MARCHF10: variants seen among roughly 807,000 people sequenced by gnomAD.
MARCHF10 encodes the protein membrane associated ring-CH-type finger 10.
In MARCHF10, 64 loss-of-function variants were observed where a neutral mutation model predicts 76.2. The observed-to-expected ratio is 0.84, with a 90% CI of 0.69 to 1.03. MARCHF10 has a LOEUF of 1.03. Among genes scored for constraint, MARCHF10 ranks in the 50% least tolerant of loss-of-function variants. The probability of loss-of-function intolerance (pLI) is 0.00; values close to 1 mark genes in which losing one functional copy is unlikely to be tolerated. For synonymous variants in MARCHF10, 340 were observed against 357.5 expected (o/e 0.95, Z 0.55); for missense variants, 875 against 958.0 (o/e 0.91, Z 1.14).
At position 62,793,406 on chromosome 17, in the gene MARCHF10, C is replaced by A. The variant is rs1234668944; in HGVS notation, c.91-4807G>T. On this transcript the variant is annotated intron_variant, in intron 2 of 10. Coordinates refer to ENST00000311269, the MANE Select transcript of MARCHF10 (RefSeq NM_152598.4). ...TCCATTACCACCACGACCTCCATCA[C>A]CACCACCATCACCTCCATCACTACC... Among the ~76,000 whole-genome samples the A allele has an allele frequency of 4.1e-5, 6 of 147,804 alleles. No homozygotes were observed. In the East Asian group the frequency reaches 1.2e-3, roughly 30 times the overall value.
chr17:62,801,590 T>C (rs976400978), intron 2 of MARCHF10, 56 bp downstream of exon 2: 3 of 1,451,896 alleles, frequency 2.1e-6, no homozygotes, highest in Non-Finnish European at 2.9e-6. Context: ...GTATTCTGAA[T>C]TCTCTCTAAA....
intron 8 of MARCHF10, among the ~76,000 whole-genome samples, chr17:62,717,571 C>A (rs1403655962): frequency 6.6e-6 from 1 of 152,180 alleles, no homozygotes. Context: ...TGGGAGGCCC[C>A]GGCAGGAGAC....
intron 3 of MARCHF10, among the ~76,000 whole-genome samples, chr17:62,776,374 C>G (rs1369903788): frequency 6.6e-6 from 1 of 152,160 alleles, no homozygotes; most frequent in African/African-American, 2.4e-5. Context: ...GCAGGATCAC[C>G]CTCGTGCAAG....
Position 62,736,942 on chromosome 17 carries a change from C to T in MARCHF10, c.926G>A (p.Cys309Tyr), listed in dbSNP as rs200034579. 6.3e-4 allele frequency: 1,015 copies of T among 1,614,152 alleles called. No homozygotes were observed. The highest frequency in any genetic ancestry group is 7.9e-4 in the Non-Finnish European group (934 of 1,180,018). Residue 309 changes from cysteine to tyrosine, a missense_variant, in exon 6 of 11, where the codon TGT (cysteine) becomes TAT (tyrosine). Transcript: ENST00000311269. Reference protein sequence around the residue: ...ECLWVGVRSPCSPSHHKRSRF... With the variant: ...ECLWVGVRSPYSPSHHKRSRF... Reference sequence around the variant, plus strand: ...ACTTCTTTTGTGATGGGAAGGAGAACAGGGTGAGCGCACACCAACCCACAG... The same window carrying T: ...ACTTCTTTTGTGATGGGAAGGAGAATAGGGTGAGCGCACACCAACCCACAG...
At chr17:62,788,157 CTTAT>C (rs1161694411) in intron 3 of MARCHF10, among the ~76,000 whole-genome samples, 1 of 152,168 alleles carries the variant, frequency 6.6e-6, no homozygotes, top group African/African-American at 2.4e-5. Flanking sequence ...GCCTCCAACT[CTTAT>C]AGAGTTGCAG....
chr17:62,791,985 T>A (rs1443644509), intron 2 of MARCHF10, among the ~76,000 whole-genome samples: 1 of 152,118 alleles, frequency 6.6e-6, no homozygotes, highest in Non-Finnish European at 1.5e-5. Flanking sequence ...GTGTCAGGAT[T>A]CGGATGGCTA....
chr17:62,725,009 C>G lies in MARCHF10; in HGVS notation c.2033G>C (p.Gly678Ala), dbSNP rs866043045. Residue 678 changes from glycine (G) to alanine (A), a missense_variant, in exon 7 of 11, where the codon GGC becomes GCC. Gly to Ala is a moderately conservative substitution (Grantham distance 60). Coordinates refer to ENST00000311269, the MANE Select transcript of MARCHF10 (RefSeq NM_152598.4). Reference sequence around the variant, plus strand: ...AACAAACTGCAGGCTTCCCACACAGCCGCAAGGCTCCAGGAGGGGGTTGCT... The same window carrying G: ...AACAAACTGCAGGCTTCCCACACAGGCGCAAGGCTCCAGGAGGGGGTTGCT... ...SPSNPLLEPC[G>A]CVGSLQFVHQ... The G allele has an allele frequency of 6.2e-7, 1 of 1,611,124 alleles. No homozygotes were observed.
At chr17:62,795,382 A>AAAAAAAAG in intron 2 of MARCHF10, among the ~76,000 whole-genome samples, 1 of 111,990 alleles carries the variant, frequency 8.9e-6, no homozygotes. Context: ...AAAAAAAAAA[A>AAAAAAAAG]AAGAAGCTAG....
intron 3 of MARCHF10, among the ~76,000 whole-genome samples, chr17:62,773,711 G>A (rs2092490610): frequency 6.6e-6 from 1 of 152,144 alleles, no homozygotes; most frequent in African/African-American, 2.4e-5. Flanking sequence ...GTAAGCTCAG[G>A]AAATTTCTAG....
chr17:62,705,472 A>G, intron 10 of MARCHF10, 67 bp downstream of exon 10: 1 of 1,613,868 alleles, frequency 6.2e-7, no homozygotes, highest in Non-Finnish European at 8.5e-7. Context: ...TTGGTTCCAC[A>G]CAGTCACAGA....
Position 62,703,218 on chromosome 17 carries a change from C to T in MARCHF10, c.2372-1460G>A, listed in dbSNP as rs148950106. ...CACAGAGTCACAAAGAGGCTGGCAC[C>T]TCTCTGTGCTACCTGGTGTGCCCTG... On this transcript the variant is annotated intron_variant, in intron 10 of 10. Coordinates refer to ENST00000311269, the MANE Select transcript of MARCHF10 (RefSeq NM_152598.4). 1,393 of 152,470 alleles carry T rather than the reference C, an allele frequency of 9.1e-3. 10 individuals are homozygous for T. The highest frequency in any genetic ancestry group is 0.012 in the Non-Finnish European group (847 of 68,114). 9.4% of individuals were successfully genotyped at this position (152,470 alleles called of 1,614,324 possible).
intron 3 of MARCHF10, among the ~76,000 whole-genome samples, chr17:62,777,521 G>C (rs1184374065): frequency 2.0e-5 from 3 of 151,892 alleles, no homozygotes; most frequent in African/African-American, 7.3e-5. Flanking sequence ...TCAGGAGTTT[G>C]AGACCAGGCA....
intron 3 of MARCHF10, among the ~76,000 whole-genome samples, chr17:62,767,377 G>A (rs1465627105): frequency 1.3e-5 from 2 of 150,374 alleles, no homozygotes; most frequent in African/African-American, 4.9e-5. Context: ...ACAAAAACAA[G>A]CATAAAGATA....
chr17:62,783,194 GTTTTTTT>G (rs201262979), intron 3 of MARCHF10, among the ~76,000 whole-genome samples: 25 of 71,368 alleles, frequency 3.5e-4, no homozygotes, highest in African/African-American at 1.1e-3. Context: ...AAAATTGCCA[GTTTTTTT>G]TTTTTTTTTT....
chr17:62,777,997 T>C (rs942798972), intron 3 of MARCHF10, among the ~76,000 whole-genome samples: 1 of 152,204 alleles, frequency 6.6e-6, no homozygotes, highest in African/African-American at 2.4e-5. Context: ...CAAATATGCA[T>C]GGAGCTCCTA....
chr17:62,710,247 T>C (rs984647657), intron 9 of MARCHF10, among the ~76,000 whole-genome samples: 2 of 152,212 alleles, frequency 1.3e-5, no homozygotes, highest in African/African-American at 2.4e-5. Flanking sequence ...CAATAAAAAG[T>C]TCATTAAAAA....
In MARCHF10 at chr17:62,802,538, G is replaced by C. The variant is rs115957502; in HGVS notation, c.-17-786C>G. On this transcript the variant is annotated intron_variant, in intron 1 of 10. Transcript: ENST00000311269. ...CCTGGCCTGTGTTGCTTATAATCCA[G>C]GGTGCGAGACTGACTTTGAGCAAGT... 9.1e-3 allele frequency among the ~76,000 whole-genome samples: 1,380 copies of C among 152,230 alleles called. 20 individuals are homozygous for C. Among genetic ancestry groups the C allele is most frequent in the African/African-American group, 0.031 (1,304 of 41,538 alleles).
chr17:62,786,581 T>TA (rs2092751691), intron 3 of MARCHF10, among the ~76,000 whole-genome samples: 1 of 152,092 alleles, frequency 6.6e-6, no homozygotes, highest in South Asian at 2.1e-4. Flanking sequence ...TATTGGGAAA[T>TA]AAGAGCCATA....
In MARCHF10 at chr17:62,805,888, A is replaced by G. The variant is rs935725884; in HGVS notation, c.-18+2189T>C. On this transcript the variant is annotated intron_variant, in intron 1 of 10. Transcript: ENST00000311269. ...GATCGCACCACTGCACTCCAGAGAG[A>G]GACTCCATCCCCTCAAAAATAAAAA... is the stretch of plus-strand genomic sequence containing the variant. 2.1e-5 allele frequency among the ~76,000 whole-genome samples: 3 copies of G among 143,632 alleles called. No homozygotes were observed. The Admixed American group carries it at 2.1e-4, about 10-fold the overall frequency. 94.2% of individuals were successfully genotyped at this position (143,632 alleles called of 152,430 possible).
Sources: allele counts gnomAD v4.1 joint callset (sites outside exome capture counted in the v4.1 genomes callset), GRCh38; gene constraint gnomAD v4.1.1; transcripts MANE v1.5; gene names NCBI Gene and HGNC (gene_info 2026-07-23, HGNC 2026-07-21).